Variants in ANKS1B observed in about 807,000 individuals in gnomAD.
ANKS1B encodes ankyrin repeat and sterile alpha motif domain-containing protein 1B.
ANKS1B carries 36 observed loss-of-function variants against 148.3 expected under a neutral mutation model. The ratio of observed to expected loss-of-function variants is 0.24; its 90% confidence interval spans 0.19 to 0.32. The LOEUF is 0.32. Among genes scored for constraint, ANKS1B ranks in the 10% least tolerant of loss-of-function variants. The probability of loss-of-function intolerance (pLI) is 1.00; values close to 1 mark genes in which losing one functional copy is unlikely to be tolerated. For missense variants in ANKS1B, 1,157 were observed against 1,542.6 expected (o/e 0.75, Z 4.19); for synonymous variants, 542 against 560.8 (o/e 0.97, Z 0.47).
chr12:99,916,646 A>G (rs1290672680), intron 1 of ANKS1B, among the ~76,000 whole-genome samples: 1 of 152,218 alleles, frequency 6.6e-6, no homozygotes, highest in Non-Finnish European at 1.5e-5. Flanking sequence ...CCTGGCCCAA[A>G]TAATAAATCA....
chr12:99,863,099 G>C (rs1404615480), intron 1 of ANKS1B, among the ~76,000 whole-genome samples: 9 of 152,112 alleles, frequency 5.9e-5, no homozygotes, highest in Non-Finnish European at 1.0e-4. Context: ...TATACAGGCT[G>C]ACCTTAAGAT....
At position 99,806,637 on chromosome 12, in the gene ANKS1B, C is replaced by T; in HGVS notation, c.436G>A (p.Val146Ile). The part of the protein sequence containing the change: ...AQYGHSEVVA[V>I]LLEELTDPTI... Reference sequence around the variant, plus strand: ...GGGTCAGTGAGCTCTTCTAGGAGAACAGCAACTACTTCTGAGTGTCCATAT... The same window carrying T: ...GGGTCAGTGAGCTCTTCTAGGAGAATAGCAACTACTTCTGAGTGTCCATAT... Residue 146 changes from valine to isoleucine, a missense_variant, in exon 4 of 27, where the codon GTT becomes ATT. Transcript: ENST00000683438. 1 of 1,613,940 alleles carries T rather than the reference C, an allele frequency of 6.2e-7. No homozygotes were observed. The highest frequency in any genetic ancestry group is 1.6e-4 in the Middle Eastern group (1 of 6,062).
chr12:99,983,496 T>C (rs775683953), intron 1 of ANKS1B, among the ~76,000 whole-genome samples: 1 of 152,136 alleles, frequency 6.6e-6, no homozygotes, highest in Non-Finnish European at 1.5e-5. Context: ...ACAACCAAGT[T>C]TCACTCAGCT....
chr12:99,176,321 T>C (rs1012967885), intron 14 of ANKS1B, among the ~76,000 whole-genome samples: 4 of 152,216 alleles, frequency 2.6e-5, no homozygotes, highest in Admixed American at 2.0e-4. Flanking sequence ...TTTGATTTCA[T>C]AAACTGACAT....
At chr12:99,775,470 A>G in intron 7 of ANKS1B, 78 bp downstream of exon 7, 1 of 895,832 alleles carries the variant, frequency 1.1e-6, no homozygotes, top group Non-Finnish European at 1.8e-6. Context: ...ATAGGATATA[A>G]CCTATTAGAC....
At chr12:98,942,410 C>T (rs781025159) in intron 17 of ANKS1B, among the ~76,000 whole-genome samples, 4 of 152,174 alleles carry the variant, frequency 2.6e-5, no homozygotes, top group Non-Finnish European at 4.4e-5. Context: ...TAAGCATGAA[C>T]AAGACCTATC....
At chr12:99,088,838 G>T (rs1311202365) in intron 15 of ANKS1B, among the ~76,000 whole-genome samples, 431 of 69,696 alleles carry the variant, frequency 6.2e-3, no homozygotes, top group Middle Eastern at 0.014. Flanking sequence ...TTTAACTTCT[G>T]TTTTTTTTTT....
chr12:98,920,642 T>C (rs1006867664), intron 17 of ANKS1B, among the ~76,000 whole-genome samples: 10 of 152,154 alleles, frequency 6.6e-5, no homozygotes, highest in African/African-American at 2.4e-4. Flanking sequence ...ACCTGGTCCC[T>C]CCCACAACAT....
At chr12:99,417,413 C>A (rs1405657905) in intron 11 of ANKS1B, among the ~76,000 whole-genome samples, 3 of 152,136 alleles carry the variant, frequency 2.0e-5, no homozygotes, top group African/African-American at 7.2e-5. Context: ...AAGTGTCTAT[C>A]CCTTCACTGA....
rs538198611 is a variant in ANKS1B at position 99,287,057 on chromosome 12, C to T, written c.1757-40193G>A. ...GAGCCTTTGAGTCTTGAGTGAGCAT[C>T]GGTGGTAGCCAGGCAGTGGACACCT... On this transcript the variant is annotated intron_variant, in intron 12 of 26. Transcript: ENST00000683438. 2.6e-5 allele frequency among the ~76,000 whole-genome samples: 4 copies of T among 152,164 alleles called. No individual in the cohort carries two copies. In the East Asian group the frequency reaches 5.8e-4, roughly 22 times the overall value.
chr12:99,255,742 G>A (rs1379368049), intron 12 of ANKS1B, among the ~76,000 whole-genome samples: 3 of 151,964 alleles, frequency 2.0e-5, no homozygotes, highest in African/African-American at 4.8e-5. Context: ...ATTTAGAAAC[G>A]TGTATTTAAA....
chr12:99,328,710 T>C (rs376911057), intron 12 of ANKS1B, among the ~76,000 whole-genome samples: 1 of 152,122 alleles, frequency 6.6e-6, no homozygotes, highest in African/African-American at 2.4e-5. Context: ...TCATGTCTGG[T>C]ATTTGATCAA....
At chr12:99,595,041 A>C (rs948476788) in intron 9 of ANKS1B, among the ~76,000 whole-genome samples, 3 of 152,022 alleles carry the variant, frequency 2.0e-5, no homozygotes, top group Admixed American at 6.6e-5. Flanking sequence ...GTTATTCCTG[A>C]AAGAGCATAG....
At chr12:99,690,163 G>A (rs922791074) in intron 8 of ANKS1B, among the ~76,000 whole-genome samples, 4 of 152,064 alleles carry the variant, frequency 2.6e-5, no homozygotes, top group Non-Finnish European at 4.4e-5. Flanking sequence ...ACTATCATGA[G>A]AACAGCATAG....
intron 12 of ANKS1B, among the ~76,000 whole-genome samples, chr12:99,369,119 T>C (rs778950970): frequency 6.6e-6 from 1 of 152,182 alleles, no homozygotes; most frequent in Admixed American, 6.6e-5. Context: ...GATCTAGTAG[T>C]AACCACCCTA....
chr12:99,300,071 T>C (rs1016388022), intron 12 of ANKS1B, among the ~76,000 whole-genome samples: 1 of 152,188 alleles, frequency 6.6e-6, no homozygotes. Flanking sequence ...CTAAAGATGA[T>C]GGAACCTATG....
At chr12:99,369,827 C>T (rs968518481) in intron 12 of ANKS1B, among the ~76,000 whole-genome samples, 5 of 147,538 alleles carry the variant, frequency 3.4e-5, no homozygotes, top group Middle Eastern at 3.4e-3. Context: ...GACAGACGGA[C>T]GGATAGACAG....
chr12:99,493,176 C>T (rs2096570929), intron 10 of ANKS1B, among the ~76,000 whole-genome samples: 1 of 152,116 alleles, frequency 6.6e-6, no homozygotes, highest in African/African-American at 2.4e-5. Context: ...GCACACTAGC[C>T]AGGATAATCT....
At chr12:99,796,639 C>G (rs1227400959) in intron 4 of ANKS1B, among the ~76,000 whole-genome samples, 2 of 151,756 alleles carry the variant, frequency 1.3e-5, no homozygotes, top group Non-Finnish European at 2.9e-5. Context: ...TTTTAAAAAC[C>G]TAATATGGTT....
Sources: gnomAD v4.1 joint callset for allele counts (sites outside exome capture counted in the v4.1 genomes callset) on GRCh38, gnomAD v4.1.1 for gene constraint, MANE v1.5 for transcripts, NCBI Gene and HGNC (gene_info 2026-07-23, HGNC 2026-07-21) for gene names.